The following GNPTAB variants were observed in gnomAD, a reference collection of about 807,000 sequenced individuals.
GNPTAB encodes the protein N-acetylglucosamine-1-phosphotransferase subunits alpha/beta.
Under a neutral mutation model 136.6 loss-of-function variants are expected in GNPTAB, and 92 were observed. The observed-to-expected ratio is 0.67, with a 90% CI of 0.57 to 0.80. The LOEUF (loss-of-function observed/expected upper bound fraction) is 0.80, where lower values mean the gene tolerates loss of function less well. Among genes scored for constraint, GNPTAB ranks in the 30% least tolerant of loss-of-function variants. The probability of loss-of-function intolerance (pLI) is 0.00; values close to 1 mark genes in which losing one functional copy is unlikely to be tolerated. For missense variants in GNPTAB, 1,343 were observed against 1,501.8 expected (o/e 0.89, Z 1.75); for synonymous variants, 512 against 535.1 (o/e 0.96, Z 0.60).
intron 5 of GNPTAB, among the ~76,000 whole-genome samples, chr12:101,784,531 G>C (rs1025331806): frequency 7.2e-5 from 11 of 152,242 alleles, no homozygotes; most frequent in Admixed American, 5.2e-4. Flanking sequence ...ATAAAATCAG[G>C]GTTTTCAGAT....
chr12:101,773,445 T>A (rs1454981696), intron 7 of GNPTAB: 2 of 202,066 alleles, frequency 9.9e-6, no homozygotes, highest in Non-Finnish European at 2.1e-5. Flanking sequence ...TGGGCGAAGC[T>A]GAGGGGCTGC....
chr12:101,821,676 A>G (rs1180931600), intron 1 of GNPTAB, among the ~76,000 whole-genome samples: 1 of 152,192 alleles, frequency 6.6e-6, no homozygotes, highest in Non-Finnish European at 1.5e-5. Flanking sequence ...GGAGCAGTGG[A>G]AGTCTGTTTC....
chr12:101,777,178 G>A (rs552581360), intron 7 of GNPTAB, among the ~76,000 whole-genome samples: 80 of 152,300 alleles, frequency 5.3e-4, no homozygotes, highest in Non-Finnish European at 9.1e-4. Flanking sequence ...TCTCTCAGAT[G>A]CTTCTGGAAC....
intron 20 of GNPTAB, among the ~76,000 whole-genome samples, chr12:101,747,903 T>C (rs1282674720): frequency 1.3e-5 from 2 of 152,128 alleles, no homozygotes; most frequent in East Asian, 1.9e-4. Flanking sequence ...CTGGTATAGA[T>C]AGAGGAAAGA....
At chr12:101,766,070 T>C (rs567000059) in intron 12 of GNPTAB, 21 bp downstream of exon 12, 1 of 1,605,148 alleles carries the variant, frequency 6.2e-7, no homozygotes, top group African/African-American at 1.3e-5. Flanking sequence ...CCCATTCTTA[T>C]TTGTTTGGCA....
intron 7 of GNPTAB, among the ~76,000 whole-genome samples, chr12:101,772,856 G>T (rs949351386): frequency 6.6e-6 from 1 of 152,100 alleles, no homozygotes; most frequent in Non-Finnish European, 1.5e-5. Context: ...TGACTCTGTC[G>T]TGCAGGCTGG....
Position 101,764,844 on chromosome 12 carries a change from T to C in GNPTAB, c.2073A>G (p.Glu691=). The change falls in exon 13 of 21, where the codon GAA becomes GAG. Residue 691 remains glutamate (E), a synonymous_variant. Coordinates refer to ENST00000299314, the MANE Select transcript of GNPTAB (RefSeq NM_024312.5). The stretch of plus-strand genomic sequence containing the variant: ...TATTTACCAGGGGAATTTTCACCTC[T>C]TCCTGGGCTCTCCTTGTTGAGTTAA... ...HDVNSTRRAQ[E]EVKIPLVNIS... 6.2e-7 allele frequency: 1 copy of C among 1,614,198 alleles called. No individual in the cohort carries two copies.
intron 7 of GNPTAB, among the ~76,000 whole-genome samples, chr12:101,771,752 C>T (rs887842851): frequency 6.6e-6 from 1 of 152,204 alleles, no homozygotes; most frequent in African/African-American, 2.4e-5. Flanking sequence ...TCCTGAGAGG[C>T]AAGAATCCCC....
intron 18 of GNPTAB, among the ~76,000 whole-genome samples, chr12:101,754,723 G>A (rs2137103616): frequency 7.0e-6 from 1 of 143,344 alleles, no homozygotes; most frequent in Middle Eastern, 3.5e-3. Context: ...TACTTTTGAA[G>A]TAGATTCGCC....
rs1255917346 is a variant in GNPTAB, at chr12:101,765,058, G to C, written c.1859C>G (p.Thr620Arg). ...CTGCATTTTGAACTCTTCATCGTTT[G>C]TATTTTGAAACGTGAGATTAAAATG... is the stretch of plus-strand genomic sequence containing the variant. Reference protein sequence around the residue: ...TIHFNLTFQNTNDEEFKMQIT... With the variant: ...TIHFNLTFQNRNDEEFKMQIT... Residue 620 changes from threonine to arginine, a missense_variant, in exon 13 of 21, where the codon ACA becomes AGA. Thr to Arg is a moderately conservative substitution (Grantham distance 71). Transcript: ENST00000299314. The C allele has an allele frequency of 1.2e-6, 2 of 1,614,042 alleles. No individual in the cohort carries two copies. The highest frequency in any genetic ancestry group is 1.7e-5 in the Admixed American group (1 of 60,020).
intron 16 of GNPTAB, 49 bp from the exon 17 acceptor site, chr12:101,757,706 G>T: frequency 1.1e-6 from 1 of 891,110 alleles, no homozygotes. Context: ...GCTGAAACTA[G>T]GGCAATTTAG....
rs920440030 is a variant in GNPTAB at position 101,830,948 on chromosome 12, A to G, written c.-273T>C. ...GGCGCCGCCCGGGTCTGGCCGGGCGAGAGGCGGCTGCGGCGGCGGCGGGGT... is the reference window on the plus strand; with the variant it reads ...GGCGCCGCCCGGGTCTGGCCGGGCGGGAGGCGGCTGCGGCGGCGGCGGGGT... On this transcript the variant is annotated 5_prime_UTR_variant, in exon 1 of 21. Coordinates refer to ENST00000299314, the MANE Select transcript of GNPTAB (RefSeq NM_024312.5). 1.3e-5 allele frequency: 2 copies of G among 149,004 alleles called. No homozygotes were observed. Among genetic ancestry groups the G allele is most frequent in the African/African-American group, 4.9e-5 (2 of 40,936 alleles). The allele number at this position is 149,004 out of a possible 1,614,324, so 9.2% of individuals were successfully genotyped here. A position where few individuals can be genotyped will look rare whatever the true frequency, so the allele number is the denominator to read the frequency against.
rs750632511 is a variant in GNPTAB at position 101,780,644 on chromosome 12, C to T, written c.572-23G>A. The T allele has an allele frequency of 3.3e-6, 5 of 1,516,412 alleles. No individual in the cohort carries two copies. The South Asian group carries it at 4.5e-5, about 14-fold the overall frequency. The allele number at this position is 1,516,412 out of a possible 1,614,324, so 93.9% of individuals were successfully genotyped here. A position where few individuals can be genotyped will look rare whatever the true frequency, so the allele number is the denominator to read the frequency against. On this transcript the variant is annotated intron_variant, in intron 5 of 20. Transcript: ENST00000299314. ...CAACTACAACCAAGAATACAATAAA[C>T]AAGCACATTTTTAATGAATACTCAA... is the stretch of plus-strand genomic sequence containing the variant.
chr12:101,822,184 C>T (rs572145618), intron 1 of GNPTAB, among the ~76,000 whole-genome samples: 29 of 152,224 alleles, frequency 1.9e-4, no homozygotes, highest in Non-Finnish European at 2.5e-4. Context: ...GAGGCCGAGG[C>T]GGGCGGATCA....
intron 1 of GNPTAB, among the ~76,000 whole-genome samples, chr12:101,819,348 G>A (rs909782358): frequency 3.9e-5 from 6 of 152,148 alleles, no homozygotes; most frequent in South Asian, 2.1e-4. Flanking sequence ...CCAGTCTCGC[G>A]TATGTCTTCA....
chr12:101,756,741 A>T (rs893500470), intron 18 of GNPTAB, among the ~76,000 whole-genome samples: 14 of 152,232 alleles, frequency 9.2e-5, no homozygotes, highest in African/African-American at 3.4e-4. Context: ...AGACTTAGGT[A>T]AACCTGAAAA....
rs138005473 is a variant in GNPTAB at position 101,816,537 on chromosome 12, G to A, written c.117+14022C>T. ...CAAAGTGGCTATTATCAAAAAGACA[G>A]AAAATAAGAAATGCTAGCAAGGACT... On this transcript the variant is annotated intron_variant, in intron 1 of 20. Coordinates refer to ENST00000299314, the MANE Select transcript of GNPTAB (RefSeq NM_024312.5). 6.6e-5 allele frequency among the ~76,000 whole-genome samples: 10 copies of A among 152,268 alleles called. No homozygotes were observed. The East Asian group carries it at 1.9e-3, about 29-fold the overall frequency.
In GNPTAB at chr12:101,830,908, G is replaced by A. The variant is rs1411738486; in HGVS notation, c.-233C>T. ...TCGGCGCGGCGGAGGCGGACCTGCG[G>A]CCGGCGAGGCGGCCGGCGCCGCCCG... On this transcript the variant is annotated 5_prime_UTR_variant, in exon 1 of 21. Coordinates refer to ENST00000299314, the MANE Select transcript of GNPTAB (RefSeq NM_024312.5). 1 of 147,186 alleles carries A rather than the reference G, an allele frequency of 6.8e-6. No homozygotes were observed. Among genetic ancestry groups the A allele is most frequent in the African/African-American group, 2.5e-5 (1 of 40,376 alleles). 9.1% of individuals were successfully genotyped at this position (147,186 alleles called of 1,614,324 possible).
At chr12:101,780,658 A>G (rs755502099) in intron 5 of GNPTAB, 37 bp from the exon 6 acceptor site, 2 of 1,277,286 alleles carry the variant, frequency 1.6e-6, no homozygotes, top group East Asian at 4.6e-5. Context: ...CACATTTTTA[A>G]TGAATACTCA....
Sources: allele counts gnomAD v4.1 joint callset (sites outside exome capture counted in the v4.1 genomes callset), GRCh38; gene constraint gnomAD v4.1.1; transcripts MANE v1.5; gene names NCBI Gene and HGNC (gene_info 2026-07-23, HGNC 2026-07-21).